MEIS2: variants seen among roughly 807,000 people sequenced by gnomAD.
The protein encoded by MEIS2 is Meis homeobox 2.
A neutral mutation model predicts 58.6 loss-of-function variants in MEIS2; 9 were observed. The observed-to-expected ratio is 0.15, with a 90% confidence interval of 0.09 to 0.27. The LOEUF is 0.27. MEIS2 is among the 10% of genes least tolerant of loss of function. MEIS2 has a pLI of 1.00. For missense variants in MEIS2, 427 were observed against 635.0 expected (o/e 0.67, Z 3.52); for synonymous variants, 221 against 228.4 (o/e 0.97, Z 0.29).
chr15:36,959,390 A>G (rs938058932), intron 8 of MEIS2, among the ~76,000 whole-genome samples: 6 of 152,156 alleles, frequency 3.9e-5, no homozygotes, highest in Non-Finnish European at 7.4e-5. Flanking sequence ...CTATTAGACC[A>G]TATGTGCCTT....
chr15:37,052,656 T>C (rs1157681017), intron 7 of MEIS2, among the ~76,000 whole-genome samples: 1 of 152,240 alleles, frequency 6.6e-6, no homozygotes, highest in Non-Finnish European at 1.5e-5. Context: ...TTGGCACATA[T>C]TAGATAATCG....
intron 3 of MEIS2, 106 bp downstream of exon 3, chr15:37,096,183 A>G: frequency 7.9e-7 from 1 of 1,272,532 alleles, no homozygotes; most frequent in Non-Finnish European, 1.1e-6. Flanking sequence ...GGGCCAGAGG[A>G]ACAGATAGGG....
At chr15:36,945,593 T>C (rs2058535415) in intron 9 of MEIS2, among the ~76,000 whole-genome samples, 1 of 152,118 alleles carries the variant, frequency 6.6e-6, no homozygotes, top group Admixed American at 6.6e-5. Context: ...AGCTCCTATA[T>C]ATTCTTGAAA....
chr15:37,024,978 T>G (rs2141688333), intron 8 of MEIS2, among the ~76,000 whole-genome samples: 1 of 152,326 alleles, frequency 6.6e-6, no homozygotes, highest in South Asian at 2.1e-4. Flanking sequence ...TAAGTTTGAG[T>G]GTACAAATTC....
At chr15:36,954,132 G>A (rs1253194132) in intron 8 of MEIS2, among the ~76,000 whole-genome samples, 1 of 151,982 alleles carries the variant, frequency 6.6e-6, no homozygotes, top group East Asian at 1.9e-4. Flanking sequence ...TAAAAATTTG[G>A]AATTAACCTA....
chr15:36,956,784 C>T (rs1466305082), intron 8 of MEIS2, among the ~76,000 whole-genome samples: 1 of 151,278 alleles, frequency 6.6e-6, no homozygotes, highest in Non-Finnish European at 1.5e-5. Context: ...CTTTCAGTCA[C>T]TTCAGCCAAT....
At chr15:37,026,136 CTA>C (rs550322134) in intron 8 of MEIS2, among the ~76,000 whole-genome samples, 18 of 152,098 alleles carry the variant, frequency 1.2e-4, no homozygotes, top group Non-Finnish European at 2.2e-4. Flanking sequence ...GAAATAGAAC[CTA>C]TAACTTTTCA....
intron 8 of MEIS2, among the ~76,000 whole-genome samples, chr15:37,017,711 A>T (rs1294721074): frequency 1.3e-5 from 2 of 152,172 alleles, no homozygotes; most frequent in Non-Finnish European, 2.9e-5. Context: ...GCAGGGAAGG[A>T]GGACAGGATG....
At chr15:37,048,617 T>C (rs1413835195) in intron 7 of MEIS2, among the ~76,000 whole-genome samples, 7 of 152,106 alleles carry the variant, frequency 4.6e-5, no homozygotes, top group South Asian at 4.1e-4. Context: ...TTGCCAACTA[T>C]TGTAAAATGA....
At chr15:37,099,287 C>T (rs1473772494) in intron 1 of MEIS2, 168 bp downstream of exon 1, 4 of 1,484,214 alleles carry the variant, frequency 2.7e-6, no homozygotes, top group Non-Finnish European at 2.7e-6. Context: ...CACGCAGAGG[C>T]ACGGGAGGGA....
At chr15:37,001,890 A>T (rs936537694) in intron 8 of MEIS2, among the ~76,000 whole-genome samples, 2 of 152,170 alleles carry the variant, frequency 1.3e-5, no homozygotes, top group African/African-American at 4.8e-5. Context: ...TAGCACTTAG[A>T]TTTGCCATAC....
At chr15:37,004,304 A>T (rs1215893984) in intron 8 of MEIS2, among the ~76,000 whole-genome samples, 1 of 152,218 alleles carries the variant, frequency 6.6e-6, no homozygotes, top group Non-Finnish European at 1.5e-5. Context: ...CGTGAACTTG[A>T]TAATTCTCTG....
Position 37,005,363 on chromosome 15 carries a change from T to C in MEIS2, c.900+31451A>G, listed in dbSNP as rs527969430. ...CTTCAGCAGGGAGTCAGTTGCTCAGTTGACTTAACTGAAAGCACGAATGGA... is the reference window on the plus strand; with the variant it reads ...CTTCAGCAGGGAGTCAGTTGCTCAGCTGACTTAACTGAAAGCACGAATGGA... On this transcript the variant is annotated intron_variant, in intron 8 of 11. Coordinates refer to ENST00000561208, the MANE Select transcript of MEIS2 (RefSeq NM_170675.5). Among the ~76,000 whole-genome samples the C allele has an allele frequency of 5.9e-5, 9 of 152,322 alleles. No individual in the cohort carries two copies. The South Asian group carries it at 1.7e-3, about 28-fold the overall frequency.
chr15:37,000,290 A>T (rs1223642271), intron 8 of MEIS2, among the ~76,000 whole-genome samples: 1 of 152,138 alleles, frequency 6.6e-6, no homozygotes, highest in African/African-American at 2.4e-5. Flanking sequence ...TACTTCCTTC[A>T]CTGTCTGCTT....
At chr15:36,911,009 C>A (rs1452256658) in intron 9 of MEIS2, among the ~76,000 whole-genome samples, 1 of 144,254 alleles carries the variant, frequency 6.9e-6, no homozygotes, top group Non-Finnish European at 1.5e-5. Context: ...CGCGCCACTG[C>A]ACTCCAGCCT....
intron 9 of MEIS2, among the ~76,000 whole-genome samples, chr15:36,899,167 CACATTCTTTCA>C (rs533398786): frequency 2.0e-5 from 3 of 152,242 alleles, no homozygotes; most frequent in Middle Eastern, 3.4e-3. Context: ...ATAATTCTAC[CACATTCTTTCA>C]AATCACACAG....
At chr15:37,091,019 T>C (rs917909991) in intron 6 of MEIS2, among the ~76,000 whole-genome samples, 7 of 152,158 alleles carry the variant, frequency 4.6e-5, no homozygotes, top group African/African-American at 1.7e-4. Flanking sequence ...TGGGGCAATG[T>C]ATTAAATATG....
intron 8 of MEIS2, among the ~76,000 whole-genome samples, chr15:37,035,726 T>C (rs150448018): frequency 2.0e-5 from 3 of 152,318 alleles, no homozygotes; most frequent in African/African-American, 4.8e-5. Context: ...AATGTGAATC[T>C]ATCACTTTTC....
chr15:36,910,120 C>T (rs1180061494), intron 9 of MEIS2, among the ~76,000 whole-genome samples: 2 of 151,970 alleles, frequency 1.3e-5, no homozygotes, highest in African/African-American at 2.4e-5. Context: ...GTGGGAGGAT[C>T]GCCTGAGACC....
Sources: gnomAD v4.1 joint callset for allele counts (sites outside exome capture counted in the v4.1 genomes callset) on GRCh38, gnomAD v4.1.1 for gene constraint, MANE v1.5 for transcripts, NCBI Gene and HGNC (gene_info 2026-07-23, HGNC 2026-07-21) for gene names.